The following GULP1 variants were observed in gnomAD, a reference collection of about 807,000 sequenced individuals.
GULP1 encodes the protein GULP PTB domain containing engulfment adaptor 1.
Under a neutral mutation model 40.9 loss-of-function variants are expected in GULP1, and 19 were observed. That is an observed-to-expected ratio of 0.46 (90% CI 0.32 to 0.68). GULP1 has a LOEUF of 0.68. Ranked by LOEUF, GULP1 falls within the 30% of genes least tolerant of loss-of-function variation. The pLI, the probability that GULP1 is intolerant of heterozygous loss-of-function variation, is 0.03. For missense variants in GULP1, 312 were observed against 362.2 expected (o/e 0.86, Z 1.12); for synonymous variants, 119 against 117.6 (o/e 1.01, Z -0.08).
At chr2:188,544,940 T>C (rs1395667485) in intron 7 of GULP1, among the ~76,000 whole-genome samples, 2 of 152,000 alleles carry the variant, frequency 1.3e-5, no homozygotes, top group African/African-American at 2.4e-5. Context: ...ACACATCATA[T>C]TCAAGCTTCT....
intron 9 of GULP1, among the ~76,000 whole-genome samples, chr2:188,577,446 T>G (rs1390489054): frequency 6.6e-6 from 1 of 152,116 alleles, no homozygotes; most frequent in African/African-American, 2.4e-5. Flanking sequence ...AAACATGAAT[T>G]GGTTCAAGAA....
intron 2 of GULP1, among the ~76,000 whole-genome samples, chr2:188,439,692 G>A (rs866410898): frequency 1.1e-4 from 16 of 152,246 alleles, no homozygotes; most frequent in Middle Eastern, 6.8e-3. Flanking sequence ...ACTGGGAGAT[G>A]TGGTGAGGGG....
At chr2:188,439,508 A>G (rs891428341) in intron 2 of GULP1, among the ~76,000 whole-genome samples, 1 of 152,124 alleles carries the variant, frequency 6.6e-6, no homozygotes, top group Non-Finnish European at 1.5e-5. Flanking sequence ...CACACAATGG[A>G]ATGGTAATTG....
chr2:188,447,679 A>G (rs1218852216), intron 2 of GULP1, among the ~76,000 whole-genome samples: 1 of 152,214 alleles, frequency 6.6e-6, no homozygotes, highest in East Asian at 1.9e-4. Context: ...ATTTTGAGAA[A>G]TAAATGAGAT....
intron 2 of GULP1, chr2:188,384,407 A>G (rs2049395878): frequency 1.3e-5 from 2 of 152,088 alleles, no homozygotes; most frequent in African/African-American, 4.8e-5. Flanking sequence ...ACTCGCCCCC[A>G]TGATTCAATC....
intron 10 of GULP1, 71 bp from the exon 11 acceptor site, chr2:188,587,784 G>A (rs992827613): frequency 6.2e-6 from 5 of 807,636 alleles, no homozygotes; most frequent in Non-Finnish European, 1.1e-5. Context: ...ATATAATCCT[G>A]CCTTTGAAAT....
At chr2:188,449,047 C>T (rs373207923) in intron 2 of GULP1, among the ~76,000 whole-genome samples, 3 of 152,058 alleles carry the variant, frequency 2.0e-5, no homozygotes, top group Admixed American at 6.6e-5. Context: ...TCAGATGTTC[C>T]TTTATAGCAA....
chr2:188,548,610 G>A (rs1338277191), intron 7 of GULP1, among the ~76,000 whole-genome samples: 2 of 151,942 alleles, frequency 1.3e-5, no homozygotes, highest in African/African-American at 4.8e-5. Context: ...AGAGGAACTG[G>A]AATCACTAAA....
intron 2 of GULP1, among the ~76,000 whole-genome samples, chr2:188,411,636 T>G (rs1003508609): frequency 7.9e-5 from 12 of 152,214 alleles, no homozygotes; most frequent in African/African-American, 2.7e-4. Flanking sequence ...TTTTAACCAC[T>G]AAGAGAATTT....
chr2:188,453,662 A>G (rs2059018342), intron 2 of GULP1, among the ~76,000 whole-genome samples: 1 of 152,220 alleles, frequency 6.6e-6, no homozygotes, highest in Admixed American at 6.5e-5. Flanking sequence ...AGCAATGGCC[A>G]ATATGTAGTT....
rs1164481151 is a variant in GULP1 at position 188,514,040 on chromosome 2, AGTGTGT to A, written c.91-8678_91-8673del. Among the ~76,000 whole-genome samples, 395 of 123,072 alleles carry A rather than the reference AGTGTGT, an allele frequency of 3.2e-3. 4 individuals are homozygous for A. The highest frequency in any genetic ancestry group is 4.3e-3 in the Middle Eastern group (1 of 230). The allele number at this position is 123,072 out of a possible 152,430, so 80.7% of individuals were successfully genotyped here. ...GATCTGTCTAAATGGTCCCCTTCTG[AGTGTGT>A]GTGTGTGTGTGTGTGTGTGTGTGTG... On this transcript the variant is annotated intron_variant, in intron 4 of 11. Transcript: ENST00000409830.
intron 7 of GULP1, among the ~76,000 whole-genome samples, chr2:188,544,876 C>T (rs6761280): frequency 0.97 from 148,268 of 152,108 alleles, 72,391 homozygotes; most frequent in East Asian, 1. Context: ...ACCTATAGAT[C>T]TAAAATACTG....
intron 5 of GULP1, among the ~76,000 whole-genome samples, chr2:188,524,302 A>G (rs1188554313): frequency 6.6e-6 from 1 of 152,164 alleles, no homozygotes; most frequent in East Asian, 1.9e-4. Flanking sequence ...GAGTTTACAT[A>G]TATTTTGCAG....
intron 10 of GULP1, among the ~76,000 whole-genome samples, chr2:188,585,451 A>G (rs1200472606): frequency 6.6e-6 from 1 of 152,202 alleles, no homozygotes; most frequent in Non-Finnish European, 1.5e-5. Flanking sequence ...TGCTCCTGCC[A>G]CAGACTTCTG....
At position 188,594,021 on chromosome 2, in the gene GULP1, CA is replaced by C; in HGVS notation, c.*12del. The C allele has an allele frequency of 6.7e-7, 1 of 1,492,586 alleles. No homozygotes were observed. The highest frequency in any genetic ancestry group is 9.3e-7 in the Non-Finnish European group (1 of 1,071,246). 92.5% of individuals were successfully genotyped at this position (1,492,586 alleles called of 1,614,324 possible). A position where few individuals can be genotyped will look rare whatever the true frequency, so the allele number is the denominator to read the frequency against. ...AGACAGTAGGTGCTGACATCAAGAA[CA>C]AGAAATCCTGATTCATGTTAAATGT... On this transcript the variant is annotated 3_prime_UTR_variant, in exon 12 of 12. Transcript: ENST00000409830.
chr2:188,344,357 A>T (rs1450255216), intron 1 of GULP1, among the ~76,000 whole-genome samples: 1 of 152,182 alleles, frequency 6.6e-6, no homozygotes, highest in Non-Finnish European at 1.5e-5. Flanking sequence ...TGACACTTCG[A>T]TGGAGAGAAT....
chr2:188,474,183 C>T (rs886767556), intron 2 of GULP1, among the ~76,000 whole-genome samples: 5 of 152,130 alleles, frequency 3.3e-5, no homozygotes, highest in African/African-American at 1.2e-4. Context: ...TCCACTCTTC[C>T]CTCTTCTCTC....
chr2:188,563,668 G>A (rs549953598), intron 7 of GULP1, among the ~76,000 whole-genome samples: 7 of 151,150 alleles, frequency 4.6e-5, no homozygotes, highest in Non-Finnish European at 1.0e-4. Flanking sequence ...GAAATACCAA[G>A]CTCAGATAGT....
intron 4 of GULP1, among the ~76,000 whole-genome samples, chr2:188,484,011 T>C (rs2061648201): frequency 6.6e-6 from 1 of 151,988 alleles, no homozygotes; most frequent in Non-Finnish European, 1.5e-5. Context: ...GCAACCTCCA[T>C]CTCCTGGGTT....
Sources: gnomAD v4.1 joint callset for allele counts (sites outside exome capture counted in the v4.1 genomes callset) on GRCh38, gnomAD v4.1.1 for gene constraint, MANE v1.5 for transcripts, NCBI Gene and HGNC (gene_info 2026-07-23, HGNC 2026-07-21) for gene names.